PLEKHG4B: variants seen among roughly 807,000 people sequenced by gnomAD.
PLEKHG4B encodes the protein pleckstrin homology and RhoGEF domain containing G4B.
Under a neutral mutation model 121.3 loss-of-function variants are expected in PLEKHG4B, and 111 were observed. The ratio of observed to expected loss-of-function variants is 0.92; its 90% CI spans 0.78 to 1.07. The LOEUF (loss-of-function observed/expected upper bound fraction) is 1.07, where lower values mean the gene tolerates loss of function less well. PLEKHG4B is among the 50% of genes least tolerant of loss of function. PLEKHG4B has a pLI of 0.00. For missense variants in PLEKHG4B, 1,831 were observed against 1,757.8 expected, an observed-to-expected ratio of 1.04 and a Z score of -0.74; for synonymous variants, 738 against 725.0, an observed-to-expected ratio of 1.02 and a Z score of -0.29.
In PLEKHG4B at chr5:137,489, C is replaced by T. The variant is rs1281357454; in HGVS notation, c.244-1994C>T. ...CCTCCTGCTCTGGGCTGTGCCACTG[C>T]CTTAACCCGGACCAGTTCCCTTCTA... is the stretch of plus-strand genomic sequence containing the variant. On this transcript the variant is annotated intron_variant, in intron 2 of 19. Coordinates refer to ENST00000637938, the MANE Select transcript of PLEKHG4B (RefSeq NM_052909.5). This position sits in a 1 kb window ranked among gnomAD's most constrained non-coding sequence, Gnocchi z 4.2. Among the ~76,000 whole-genome samples, 1 of 152,168 alleles carries T rather than the reference C, an allele frequency of 6.6e-6. No homozygotes were observed. Among genetic ancestry groups the T allele is most frequent in the Non-Finnish European group, 1.5e-5 (1 of 68,024 alleles).
chr5:169,705 GT>G, intron 14 of PLEKHG4B, 113 bp downstream of exon 14: 1 of 1,456,674 alleles, frequency 6.9e-7, no homozygotes, highest in Non-Finnish European at 9.2e-7. Context: ...TTCAGTCCAG[GT>G]CTAGGAGCTG....
intron 15 of PLEKHG4B, 36 bp from the exon 16 acceptor site, chr5:171,178 C>T (rs1272324678): frequency 2.5e-6 from 4 of 1,604,276 alleles, no homozygotes; most frequent in Middle Eastern, 3.3e-4. Context: ...GGCCCTCAGC[C>T]AGGCCGGAGC....
At chr5:153,221 T>G (rs1269225972) in intron 7 of PLEKHG4B, among the ~76,000 whole-genome samples, 1 of 152,258 alleles carries the variant, frequency 6.6e-6, no homozygotes, top group African/African-American at 2.4e-5. Context: ...GAGCACAGTT[T>G]TAATGGCTGC....
intron 13 of PLEKHG4B, among the ~76,000 whole-genome samples, chr5:166,998 C>T (rs1736375061): frequency 6.6e-6 from 1 of 152,208 alleles, no homozygotes; most frequent in South Asian, 2.1e-4. Context: ...GTTTCTGTCT[C>T]CACTGAGCCC....
intron 2 of PLEKHG4B, among the ~76,000 whole-genome samples, chr5:126,317 T>C (rs1734612085): frequency 6.6e-6 from 1 of 152,238 alleles, no homozygotes; most frequent in Admixed American, 6.5e-5. Context: ...ACCCCTTTAG[T>C]GAATTTTTCA....
Position 151,489 on chromosome 5 carries a change from ATATTTATTTCT to A in PLEKHG4B, c.1906-13_1906-3del. 3 of 1,438,394 alleles carry A rather than the reference ATATTTATTTCT, an allele frequency of 2.1e-6. No homozygotes were observed. Among genetic ancestry groups the A allele is most frequent in the Non-Finnish European group, 2.9e-6 (3 of 1,037,188 alleles). The allele number at this position is 1,438,394 out of a possible 1,614,324, so 89.1% of individuals were successfully genotyped here. A position where few individuals can be genotyped will look rare whatever the true frequency, so the allele number is the denominator to read the frequency against. ...TTAAAAATTAGAAAGCTAATCAGTA[ATATTTATTTCT>A]TATTTATTTCAGAACAACACATCTC... On this transcript the variant is annotated splice_polypyrimidine_tract_variant and intron_variant, in intron 6 of 19. Transcript: ENST00000637938.
chr5:182,284 G>T lies in PLEKHG4B; in HGVS notation c.4845G>T (p.Gly1615=), dbSNP rs950156019. 1.9e-6 allele frequency: 3 copies of T among 1,612,120 alleles called. No individual in the cohort carries two copies. In the South Asian group the frequency reaches 3.3e-5, roughly 18 times the overall value. Residue 1615 remains glycine (G), a synonymous_variant, in exon 20 of 20, where the codon GGG becomes GGT. Coordinates refer to ENST00000637938, the MANE Select transcript of PLEKHG4B (RefSeq NM_052909.5). The part of the protein sequence containing the change: ...ETGTQAAVCE[G]APAVLLSRTR... ...GCACCCAGGCTGCAGTGTGTGAGGG[G>T]GCTCCTGCTGTGCTGCTGAGCCGCA...
At chr5:108,831 C>T (rs1175375059) in intron 1 of PLEKHG4B, among the ~76,000 whole-genome samples, 11 of 152,156 alleles carry the variant, frequency 7.2e-5, no homozygotes, top group African/African-American at 1.9e-4. Context: ...CTGTTTGGGA[C>T]GAGGCTTCCT....
At chr5:177,994 C>T (rs1402130766) in intron 18 of PLEKHG4B, among the ~76,000 whole-genome samples, 4 of 136,924 alleles carry the variant, frequency 2.9e-5, no homozygotes, top group African/African-American at 8.9e-5. Flanking sequence ...CACCGTGTGC[C>T]TAGGAAGTTG....
rs1186413636 is a variant in PLEKHG4B, at chr5:186,214, C to T, written c.*3891C>T. The T allele has an allele frequency of 6.6e-6, 1 of 152,254 alleles. No individual in the cohort carries two copies. The highest frequency in any genetic ancestry group is 1.9e-4 in the East Asian group (1 of 5,196). 9.4% of individuals were successfully genotyped at this position (152,254 alleles called of 1,614,324 possible). A position where few individuals can be genotyped will look rare whatever the true frequency, so the allele number is the denominator to read the frequency against. ...GAAGAGGCCCACCGAGTTACGTCCA[C>T]ACCAGCTGGCCCTGGGCACCTCTCT... On this transcript the variant is annotated 3_prime_UTR_variant, in exon 20 of 20. Transcript: ENST00000637938.
chr5:169,197 C>T (rs972520097), intron 13 of PLEKHG4B, 143 bp from the exon 14 acceptor site: 3 of 1,156,980 alleles, frequency 2.6e-6, no homozygotes, highest in Non-Finnish European at 3.6e-6. Flanking sequence ...TCGTGCATCC[C>T]ACATGTGCCC....
chr5:112,943 G>A (rs1734199908), intron 1 of PLEKHG4B, among the ~76,000 whole-genome samples: 1 of 152,134 alleles, frequency 6.6e-6, no homozygotes, highest in African/African-American at 2.4e-5. Flanking sequence ...GTGCCTCAGT[G>A]TGAGTGTTAT....
chr5:127,700 G>A (rs766293029), intron 2 of PLEKHG4B, among the ~76,000 whole-genome samples: 1 of 152,112 alleles, frequency 6.6e-6, no homozygotes, highest in Non-Finnish European at 1.5e-5. Flanking sequence ...GTGGTCACCA[G>A]CCACAGTGAT....
chr5:172,168 CT>C (rs201355516), intron 16 of PLEKHG4B, among the ~76,000 whole-genome samples: 1,579 of 152,360 alleles, frequency 0.01, 27 homozygotes, highest in African/African-American at 0.036. Context: ...ATCGGGGCTG[CT>C]TCTAGGAAGT....
At chr5:99,708 A>C (rs2126332574) in intron 1 of PLEKHG4B, among the ~76,000 whole-genome samples, 1 of 152,086 alleles carries the variant, frequency 6.6e-6, no homozygotes, top group East Asian at 1.9e-4. Context: ...TCCAATTTGG[A>C]TGCCTTTTAT....
At chr5:112,052 A>G (rs930938896) in intron 1 of PLEKHG4B, among the ~76,000 whole-genome samples, 1 of 152,206 alleles carries the variant, frequency 6.6e-6, no homozygotes, top group Admixed American at 6.5e-5. Flanking sequence ...ATCACATAGC[A>G]TTTCTGCATG....
intron 1 of PLEKHG4B, among the ~76,000 whole-genome samples, chr5:110,739 C>T (rs764274323): frequency 2.0e-5 from 3 of 152,178 alleles, no homozygotes; most frequent in Non-Finnish European, 4.4e-5. Flanking sequence ...ACCAGCCACT[C>T]TGCAACAAAC....
intron 3 of PLEKHG4B, among the ~76,000 whole-genome samples, chr5:142,766 G>A (rs1005649225): frequency 1.3e-5 from 2 of 152,236 alleles, no homozygotes; most frequent in African/African-American, 4.8e-5. Context: ...GATGAGTAGG[G>A]ATGAGATGAC....
chr5:159,804 C>A lies in PLEKHG4B; in HGVS notation c.2488-1979C>A, dbSNP rs545040395. Among the ~76,000 whole-genome samples the A allele has an allele frequency of 6.6e-6, 1 of 152,314 alleles. No homozygotes were observed. Among genetic ancestry groups the A allele is most frequent in the East Asian group, 1.9e-4 (1 of 5,180 alleles). On this transcript the variant is annotated intron_variant, in intron 11 of 19. Coordinates refer to ENST00000637938, the MANE Select transcript of PLEKHG4B (RefSeq NM_052909.5). The surrounding 1 kb of genome is among the most constrained non-coding windows in gnomAD (Gnocchi z 5.5). ...GGAACAGACCCTGGGCCCTGTGGAG[C>A]AGGGTGCCCAGCTCCTTCCCTCCGA...
Sources: gnomAD v4.1 joint callset for allele counts (sites outside exome capture counted in the v4.1 genomes callset) on GRCh38, gnomAD v4.1.1 for gene constraint, Gnocchi (gnomAD v3.1) non-coding constraint, MANE v1.5 for transcripts, NCBI Gene and HGNC (gene_info 2026-07-23, HGNC 2026-07-21) for gene names.